SOX5: variants seen among roughly 807,000 people sequenced by gnomAD.
The protein encoded by SOX5 is SRY-box transcription factor 5.
In SOX5, 9 loss-of-function variants were observed where a neutral mutation model predicts 92.0. The ratio of observed to expected loss-of-function variants is 0.10; its 90% CI spans 0.06 to 0.17. The LOEUF is 0.17. Ranked by LOEUF, SOX5 falls within the 10% of genes least tolerant of loss-of-function variation. The probability of loss-of-function intolerance (pLI) is 1.00; values close to 1 mark genes in which losing one functional copy is unlikely to be tolerated. For missense variants in SOX5, 642 were observed against 944.5 expected, an observed-to-expected ratio of 0.68 and a Z score of 4.20; for synonymous variants, 344 against 336.3, an observed-to-expected ratio of 1.02 and a Z score of -0.25.
At chr12:24,406,515 C>G (rs1013197286) in intron 1 of SOX5, among the ~76,000 whole-genome samples, 5 of 152,126 alleles carry the variant, frequency 3.3e-5, no homozygotes, top group Non-Finnish European at 7.4e-5. Context: ...TCAGCAACAG[C>G]AACTAGGAAG....
At chr12:24,220,925 T>C (rs575897856) in intron 3 of SOX5, among the ~76,000 whole-genome samples, 11 of 150,622 alleles carry the variant, frequency 7.3e-5, no homozygotes, top group African/African-American at 2.7e-4. Flanking sequence ...TATTGACTTA[T>C]TGTGTTTCGT....
intron 1 of SOX5, among the ~76,000 whole-genome samples, chr12:24,419,378 G>A (rs917698052): frequency 6.6e-6 from 1 of 152,254 alleles, no homozygotes; most frequent in Middle Eastern, 3.4e-3. Flanking sequence ...TACCTCAAGT[G>A]ATCTGCCTGC....
rs944740718 is a variant in SOX5 at position 23,533,596 on chromosome 12, C to T, written c.*623G>A. On this transcript the variant is annotated 3_prime_UTR_variant, in exon 15 of 15. Transcript: ENST00000451604. ...TGGTGGATAGCAAGGAAGTTAAAAA[C>T]AGGCTCTTTTTCCCTCTTTCCCCTC... 2 of 153,972 alleles carry T rather than the reference C, an allele frequency of 1.3e-5. No homozygotes were observed. The highest frequency in any genetic ancestry group is 2.9e-5 in the Non-Finnish European group (2 of 69,066). 9.5% of individuals were successfully genotyped at this position (153,972 alleles called of 1,614,324 possible).
At chr12:23,733,480 T>A (rs556974152) in intron 6 of SOX5, among the ~76,000 whole-genome samples, 1 of 152,242 alleles carries the variant, frequency 6.6e-6, no homozygotes, top group East Asian at 1.9e-4. Flanking sequence ...CTGATCCTAA[T>A]TGCAGTTAAG....
chr12:23,967,165 G>A (rs986414361), intron 4 of SOX5, among the ~76,000 whole-genome samples: 3 of 152,078 alleles, frequency 2.0e-5, no homozygotes, highest in Admixed American at 1.3e-4. Context: ...AAGATGTATA[G>A]CATAAGCATA....
At chr12:23,548,739 C>A (rs2136112863) in intron 11 of SOX5, among the ~76,000 whole-genome samples, 1 of 151,966 alleles carries the variant, frequency 6.6e-6, no homozygotes, top group South Asian at 2.1e-4. Flanking sequence ...TCCTATAATT[C>A]CATATGACAA....
At chr12:23,823,192 T>G (rs1420994273) in intron 3 of SOX5, among the ~76,000 whole-genome samples, 1 of 152,208 alleles carries the variant, frequency 6.6e-6, no homozygotes, top group Non-Finnish European at 1.5e-5. Context: ...TATTGTTTGA[T>G]GCAGTTTCTT....
In SOX5 at chr12:23,912,839, G is replaced by A. The variant is rs73280173; in HGVS notation, c.39-16815C>T. Among the ~76,000 whole-genome samples the A allele has an allele frequency of 3.5e-3, 528 of 152,216 alleles. 2 individuals carry two copies. The highest frequency in any genetic ancestry group is 0.012 in the African/African-American group (501 of 41,534). ...GTTGTCTAGGGTAGGGTATGGGGGT[G>A]GGGAGGGGAAATGGGGAACGACTGC... On this transcript the variant is annotated intron_variant, in intron 1 of 14. Transcript: ENST00000451604.
At chr12:24,174,232 C>A (rs976862241) in intron 4 of SOX5, among the ~76,000 whole-genome samples, 2 of 152,106 alleles carry the variant, frequency 1.3e-5, no homozygotes, top group African/African-American at 4.8e-5. Context: ...CTCCTCAGCT[C>A]AAGTGATCTG....
intron 4 of SOX5, among the ~76,000 whole-genome samples, chr12:24,027,232 CTCCTT>C (rs1954982889): frequency 6.6e-6 from 1 of 151,932 alleles, no homozygotes; most frequent in East Asian, 1.9e-4. Flanking sequence ...CCTAGGCCCT[CTCCTT>C]TATTTCTGTG....
intron 4 of SOX5, among the ~76,000 whole-genome samples, chr12:23,749,785 T>C (rs1009765429): frequency 6.6e-5 from 10 of 151,956 alleles, no homozygotes; most frequent in African/African-American, 2.4e-4. Context: ...TATTTTAAAA[T>C]ATCACATTAA....
chr12:23,907,059 G>A lies in SOX5; in HGVS notation c.39-11035C>T, dbSNP rs2097301825. Among the ~76,000 whole-genome samples, 3 of 151,996 alleles carry A rather than the reference G, an allele frequency of 2.0e-5. No homozygotes were observed. In the South Asian group the frequency reaches 6.2e-4, roughly 32 times the overall value. ...GGACAATCTTTTCTGCTTTCTATCAGAACAATTGGTAGTGAAAAAGGAATT... is the reference window on the plus strand; with the variant it reads ...GGACAATCTTTTCTGCTTTCTATCAAAACAATTGGTAGTGAAAAAGGAATT... On this transcript the variant is annotated intron_variant, in intron 1 of 14. Transcript: ENST00000451604.
Position 23,570,213 on chromosome 12 carries a change from T to C in SOX5, c.1342+5448A>G, listed in dbSNP as rs141133695. ...TCAACAAATATATTTTTTTCTATTT[T>C]TGTGGTCATTGATCAGCATTACATT... On this transcript the variant is annotated intron_variant, in intron 10 of 14. Transcript: ENST00000451604. 7.3e-4 allele frequency among the ~76,000 whole-genome samples: 111 copies of C among 152,354 alleles called. 2 individuals carry two copies. The East Asian group carries it at 0.021, about 29-fold the overall frequency.
intron 4 of SOX5, among the ~76,000 whole-genome samples, chr12:23,989,381 AGAC>A (rs1421500138): frequency 6.6e-6 from 1 of 150,600 alleles, no homozygotes; most frequent in Non-Finnish European, 1.5e-5. Context: ...GACAAGAGTG[AGAC>A]CTCATATCAA....
intron 4 of SOX5, among the ~76,000 whole-genome samples, chr12:24,014,328 G>A (rs75104430): frequency 3.3e-5 from 5 of 152,202 alleles, no homozygotes; most frequent in Non-Finnish European, 7.4e-5. Context: ...ACCAACCTGT[G>A]AGAATATGAG....
intron 1 of SOX5, among the ~76,000 whole-genome samples, chr12:24,530,391 A>G (rs571250509): frequency 2.0e-5 from 3 of 152,336 alleles, no homozygotes; most frequent in East Asian, 1.9e-4. Context: ...GGGTTGGGAT[A>G]TATTATGTGG....
At chr12:24,168,552 A>T (rs898406037) in intron 4 of SOX5, among the ~76,000 whole-genome samples, 2 of 152,180 alleles carry the variant, frequency 1.3e-5, no homozygotes, top group African/African-American at 2.4e-5. Context: ...TTTGACAGCT[A>T]CCACAACCCT....
At chr12:24,497,188 A>C (rs1947727722) in intron 1 of SOX5, among the ~76,000 whole-genome samples, 1 of 152,248 alleles carries the variant, frequency 6.6e-6, no homozygotes, top group South Asian at 2.1e-4. Context: ...AATAAGATGT[A>C]TCTAGATTGT....
At chr12:23,898,763 C>T (rs774496544) in intron 1 of SOX5, among the ~76,000 whole-genome samples, 15 of 152,216 alleles carry the variant, frequency 9.9e-5, no homozygotes, top group Non-Finnish European at 2.1e-4. Context: ...TAGAATGTCA[C>T]ATATTTCATA....
Sources: gnomAD v4.1 joint callset for allele counts (sites outside exome capture counted in the v4.1 genomes callset) on GRCh38, gnomAD v4.1.1 for gene constraint, MANE v1.5 for transcripts, NCBI Gene and HGNC (gene_info 2026-07-23, HGNC 2026-07-21) for gene names.